The following LSAMP variants were observed in gnomAD, a reference collection of about 807,000 sequenced individuals.
The protein encoded by LSAMP is limbic system associated membrane protein.
A neutral mutation model predicts 38.6 loss-of-function variants in LSAMP; 7 were observed. That is an observed-to-expected ratio of 0.18 (90% CI 0.10 to 0.34). The LOEUF is 0.34. Ranked by LOEUF, LSAMP falls within the 10% of genes least tolerant of loss-of-function variation. LSAMP has a pLI of 1.00. For missense variants in LSAMP, 313 were observed against 420.0 expected (o/e 0.75, Z 2.23); for synonymous variants, 154 against 166.8 (o/e 0.92, Z 0.59).
intron 3 of LSAMP, among the ~76,000 whole-genome samples, chr3:115,881,045 T>TAAATAAATAAA (rs1229398778): frequency 1.3e-5 from 2 of 150,806 alleles, no homozygotes; most frequent in Non-Finnish European, 3.0e-5. Flanking sequence ...CAAAAATAAA[T>TAAATAAATAAA]AAATAAATAA....
intron 1 of LSAMP, among the ~76,000 whole-genome samples, chr3:116,173,200 T>C (rs1289911131): frequency 1.3e-5 from 2 of 152,032 alleles, no homozygotes; most frequent in South Asian, 2.1e-4. Context: ...ATTCAATAAA[T>C]GTTGGATGAA....
At chr3:116,198,844 G>A (rs548412991) in intron 1 of LSAMP, among the ~76,000 whole-genome samples, 2 of 151,626 alleles carry the variant, frequency 1.3e-5, no homozygotes, top group Non-Finnish European at 2.9e-5. Context: ...TTGGGAGCCT[G>A]AGGCAGGAGG....
intron 1 of LSAMP, among the ~76,000 whole-genome samples, chr3:116,386,258 T>C (rs1370608465): frequency 6.6e-6 from 1 of 152,110 alleles, no homozygotes; most frequent in African/African-American, 2.4e-5. Flanking sequence ...AGATCCTATA[T>C]TCAGGTACAG....
intron 1 of LSAMP, among the ~76,000 whole-genome samples, chr3:116,421,641 A>G (rs534300589): frequency 2.6e-5 from 4 of 152,328 alleles, no homozygotes; most frequent in Non-Finnish European, 4.4e-5. Context: ...ATAACACATT[A>G]CAAAAGAAGA....
Position 116,385,582 on chromosome 3 carries a change from A to C in LSAMP, c.155+59295T>G, listed in dbSNP as rs559387939. ...AGTGTGATGTCCCTATTCTCTATGC[A>C]TCTTTGCAAATTTAAGGATTCACAA... On this transcript the variant is annotated intron_variant, in intron 1 of 6. Transcript: ENST00000490035. 3.3e-5 allele frequency among the ~76,000 whole-genome samples: 5 copies of C among 152,260 alleles called. No individual in the cohort carries two copies. In the South Asian group the frequency reaches 8.3e-4, roughly 25 times the overall value.
intron 2 of LSAMP, among the ~76,000 whole-genome samples, chr3:116,026,257 G>T (rs1003689034): frequency 3.9e-5 from 6 of 152,072 alleles, no homozygotes; most frequent in African/African-American, 1.4e-4. Flanking sequence ...CCTCCTTATT[G>T]TCTTTGTAGT....
chr3:115,953,311 G>T (rs905068769), intron 3 of LSAMP, among the ~76,000 whole-genome samples: 1 of 151,742 alleles, frequency 6.6e-6, no homozygotes, highest in African/African-American at 2.4e-5. Context: ...TCCTAGTCAT[G>T]AATGTATGTA....
chr3:116,302,900 A>AT lies in LSAMP; in HGVS notation c.155+141976_155+141977insA, dbSNP rs1553722924. Among the ~76,000 whole-genome samples, 7 of 152,304 alleles carry AT rather than the reference A, an allele frequency of 4.6e-5. No individual in the cohort carries two copies. In the South Asian group the frequency reaches 1.4e-3, roughly 32 times the overall value. ...TACAAAATAGGAAGGACTAGCCTGT[A>AT]AGTTAGTCATATACATTTTTGTCAG... On this transcript the variant is annotated intron_variant, in intron 1 of 6. Coordinates refer to ENST00000490035, the MANE Select transcript of LSAMP (RefSeq NM_002338.5).
intron 1 of LSAMP, among the ~76,000 whole-genome samples, chr3:116,164,594 TAATC>T (rs1709986782): frequency 1.3e-5 from 1 of 74,506 alleles, no homozygotes; most frequent in East Asian, 4.5e-4. Context: ...TATATATATA[TAATC>T]CAAATATATA....
At chr3:115,908,607 T>C (rs1937067047) in intron 3 of LSAMP, among the ~76,000 whole-genome samples, 1 of 152,118 alleles carries the variant, frequency 6.6e-6, no homozygotes. Flanking sequence ...CCTCTGATAT[T>C]TATATAGAAC....
chr3:116,028,721 T>C (rs949423772), intron 2 of LSAMP, among the ~76,000 whole-genome samples: 13 of 152,146 alleles, frequency 8.5e-5, no homozygotes, highest in African/African-American at 2.9e-4. Flanking sequence ...CCTCCTAGGA[T>C]AACATGGTAA....
intron 3 of LSAMP, among the ~76,000 whole-genome samples, chr3:115,926,474 A>C (rs1008370943): frequency 6.6e-6 from 1 of 152,218 alleles, no homozygotes; most frequent in African/African-American, 2.4e-5. Context: ...AGAACAGATA[A>C]AATTTTTGCC....
In LSAMP at chr3:116,371,437, A is replaced by G. The variant is rs1476250030; in HGVS notation, c.155+73440T>C. Among the ~76,000 whole-genome samples the G allele has an allele frequency of 2.6e-5, 4 of 152,260 alleles. No individual in the cohort carries two copies. The East Asian group carries it at 7.7e-4, about 29-fold the overall frequency. On this transcript the variant is annotated intron_variant, in intron 1 of 6. Transcript: ENST00000490035. ...ATACACATTAACAAAATAAAGAGGA[A>G]AAAAAACACATTATCATCCCAATTT...
intron 1 of LSAMP, among the ~76,000 whole-genome samples, chr3:116,407,271 G>T (rs1265981570): frequency 6.6e-6 from 1 of 152,042 alleles, no homozygotes; most frequent in African/African-American, 2.4e-5. Context: ...CCTATGTGAA[G>T]CAGATACAGA....
At chr3:115,845,516 C>T (rs1935130297) in intron 4 of LSAMP, among the ~76,000 whole-genome samples, 1 of 152,112 alleles carries the variant, frequency 6.6e-6, no homozygotes, top group African/African-American at 2.4e-5. Context: ...GCCTGTTTGG[C>T]TCATATCTTT....
chr3:116,296,033 A>C (rs2047328579), intron 1 of LSAMP, among the ~76,000 whole-genome samples: 1 of 152,216 alleles, frequency 6.6e-6, no homozygotes, highest in Non-Finnish European at 1.5e-5. Flanking sequence ...GGAAGAGCTG[A>C]AACACTGTGA....
chr3:116,007,775 C>T (rs1940204337), intron 3 of LSAMP, among the ~76,000 whole-genome samples: 1 of 152,078 alleles, frequency 6.6e-6, no homozygotes, highest in South Asian at 2.1e-4. Flanking sequence ...AGTATACAAC[C>T]TTGACTATCT....
At chr3:116,317,011 A>G (rs948435721) in intron 1 of LSAMP, among the ~76,000 whole-genome samples, 3 of 152,080 alleles carry the variant, frequency 2.0e-5, no homozygotes, top group African/African-American at 7.2e-5. Context: ...GGCTTTGAAG[A>G]ACATTTCTGC....
chr3:115,909,041 C>A (rs1032322146), intron 3 of LSAMP, among the ~76,000 whole-genome samples: 4 of 152,152 alleles, frequency 2.6e-5, no homozygotes, highest in Non-Finnish European at 4.4e-5. Context: ...GAGACTAATT[C>A]TGAAAAATAA....
Sources: gnomAD v4.1 joint callset for allele counts (sites outside exome capture counted in the v4.1 genomes callset) on GRCh38, gnomAD v4.1.1 for gene constraint, MANE v1.5 for transcripts, NCBI Gene and HGNC (gene_info 2026-07-23, HGNC 2026-07-21) for gene names.